Variants in RASGRF2 observed in about 807,000 individuals in gnomAD.
The protein encoded by RASGRF2 is ras-specific guanine nucleotide-releasing factor 2.
A neutral mutation model predicts 151.0 loss-of-function variants in RASGRF2; 76 were observed. The ratio of observed to expected loss-of-function variants is 0.50; its 90% CI spans 0.42 to 0.61. The LOEUF (loss-of-function observed/expected upper bound fraction) is 0.61. Among genes scored for constraint, RASGRF2 ranks in the 20% least tolerant of loss-of-function variants. The pLI is 0.00. For missense variants in RASGRF2, 1,148 were observed against 1,564.6 expected, an observed-to-expected ratio of 0.73 and a Z score of 4.49; for synonymous variants, 504 against 566.5, an observed-to-expected ratio of 0.89 and a Z score of 1.57.
intron 25 of RASGRF2, 88 bp downstream of exon 25, chr5:81,217,561 TTTTTTTTCTCTTC>T: frequency 1.0e-6 from 1 of 975,052 alleles, no homozygotes; most frequent in Non-Finnish European, 1.4e-6. Context: ...TGTCTGCTTT[TTTTTTTTCTCTTC>T]TTTTTTTTTT....
At chr5:80,979,076 G>T (rs972296748) in intron 1 of RASGRF2, among the ~76,000 whole-genome samples, 1 of 152,036 alleles carries the variant, frequency 6.6e-6, no homozygotes, top group African/African-American at 2.4e-5. Flanking sequence ...TTGCAGGGTC[G>T]GTGGAGCACA....
chr5:81,092,772 T>G, intron 9 of RASGRF2, 29 bp from the exon 10 acceptor site: 4 of 1,594,278 alleles, frequency 2.5e-6, no homozygotes, highest in Non-Finnish European at 3.4e-6. Flanking sequence ...TTTTAATTGC[T>G]GTGTATTCTT....
chr5:81,219,882 T>C, intron 26 of RASGRF2, 104 bp downstream of exon 26: 1 of 733,430 alleles, frequency 1.4e-6, no homozygotes. Context: ...AGCTAGCTCA[T>C]AGAAAAGACC....
chr5:81,062,232 C>G (rs10065109), intron 2 of RASGRF2, among the ~76,000 whole-genome samples: 32,291 of 151,954 alleles, frequency 0.21, 3,657 homozygotes, highest in Middle Eastern at 0.39. Context: ...TAATTTTAGC[C>G]AGTGTGATTG....
At chr5:80,990,218 GTT>G (rs10558206) in intron 1 of RASGRF2, among the ~76,000 whole-genome samples, 84 of 137,984 alleles carry the variant, frequency 6.1e-4, no homozygotes, top group African/African-American at 2.3e-3. Flanking sequence ...ACTGCCAGAT[GTT>G]TTTTTTTTTT....
In RASGRF2 at chr5:80,974,365, C is replaced by A. The variant is rs114548386; in HGVS notation, c.288+13339C>A. On this transcript the variant is annotated intron_variant, in intron 1 of 26. Transcript: ENST00000265080. ...CAAGAACATCTGTCTGCAAGAACAT[C>A]TATCTGCTTTTGCTTCAGCACAGCT... Among the ~76,000 whole-genome samples, 391 of 152,362 alleles carry A rather than the reference C, an allele frequency of 2.6e-3. 2 individuals carry two copies. Among genetic ancestry groups the A allele is most frequent in the African/African-American group, 9.0e-3 (376 of 41,580 alleles).
At chr5:81,010,311 C>T (rs774458652) in intron 1 of RASGRF2, among the ~76,000 whole-genome samples, 4 of 151,924 alleles carry the variant, frequency 2.6e-5, no homozygotes, top group South Asian at 2.1e-4. Context: ...TTTTCACGGA[C>T]GAAAAACTCA....
Position 81,073,373 on chromosome 5 carries a change from C to T in RASGRF2, c.808C>T (p.Leu270Phe), listed in dbSNP as rs1751838255. The T allele has an allele frequency of 6.2e-7, 1 of 1,614,076 alleles. No individual in the cohort carries two copies. The highest frequency in any genetic ancestry group is 1.3e-5 in the African/African-American group (1 of 74,924). The change falls in exon 5 of 27, where the codon CTC (leucine) becomes TTC (phenylalanine). Residue 270 changes from leucine (L) to phenylalanine (F), a missense_variant. By Grantham distance (22) the Leu-to-Phe change is conservative. Transcript: ENST00000265080. ...GCTCTACATCCTGGTCAATGGCTTT[C>T]TCCGGCCCCTGCGTATGGCCGCCAG... is the stretch of plus-strand genomic sequence containing the variant. ...HQLYILVNGFLRPLRMAASSK... is the reference protein window; with the variant it reads ...HQLYILVNGFFRPLRMAASSK...
intron 1 of RASGRF2, among the ~76,000 whole-genome samples, chr5:81,040,148 C>T (rs1750634726): frequency 6.6e-6 from 1 of 151,942 alleles, no homozygotes. Flanking sequence ...GGACTATAGG[C>T]ATATGCCACC....
At chr5:81,067,702 C>T (rs1194926367) in intron 2 of RASGRF2, among the ~76,000 whole-genome samples, 2 of 152,066 alleles carry the variant, frequency 1.3e-5, no homozygotes, top group Non-Finnish European at 2.9e-5. Flanking sequence ...ATTCAAAAGA[C>T]CTCAGTTTTT....
chr5:80,995,302 C>A (rs542816844), intron 1 of RASGRF2, among the ~76,000 whole-genome samples: 7 of 150,760 alleles, frequency 4.6e-5, no homozygotes, highest in African/African-American at 1.7e-4. Context: ...GTGGTCATTC[C>A]TTCCCTAACT....
rs1180950078 is a variant in RASGRF2, at chr5:80,960,658, C to G, written c.-81C>G. 1.6e-6 allele frequency: 2 copies of G among 1,255,748 alleles called. No individual in the cohort carries two copies. Among genetic ancestry groups the G allele is most frequent in the Non-Finnish European group, 2.0e-6 (2 of 978,908 alleles). The allele number at this position is 1,255,748 out of a possible 1,614,324, so 77.8% of individuals were successfully genotyped here. A position where few individuals can be genotyped will look rare whatever the true frequency, so the allele number is the denominator to read the frequency against. Reference sequence around the variant, plus strand: ...GCCGGCCGGGACCTGAGCGGTCGCGCCCTCGAGGGAGCCAGCTGGGCCATG... The same window carrying G: ...GCCGGCCGGGACCTGAGCGGTCGCGGCCTCGAGGGAGCCAGCTGGGCCATG... On this transcript the variant is annotated 5_prime_UTR_variant, in exon 1 of 27. Transcript: ENST00000265080. This position sits in a 1 kb window ranked among gnomAD's most constrained non-coding sequence, Gnocchi z 5.5.
At chr5:81,118,495 C>T (rs1753220301) in intron 15 of RASGRF2, among the ~76,000 whole-genome samples, 1 of 152,212 alleles carries the variant, frequency 6.6e-6, no homozygotes, top group South Asian at 2.1e-4. Flanking sequence ...CCTATCTTGT[C>T]TGAAAGATCT....
intron 25 of RASGRF2, among the ~76,000 whole-genome samples, chr5:81,219,471 T>G (rs1269516885): frequency 6.9e-6 from 1 of 145,352 alleles, no homozygotes; most frequent in Non-Finnish European, 1.5e-5. Context: ...TGAGGCCACA[T>G]ATTGCCAGCT....
At chr5:81,000,857 C>T (rs187399595) in intron 1 of RASGRF2, among the ~76,000 whole-genome samples, 39 of 152,298 alleles carry the variant, frequency 2.6e-4, no homozygotes, top group African/African-American at 5.8e-4. Context: ...GAACAACGTG[C>T]GTAACTGGAC....
rs139311008 is a variant in RASGRF2 at position 81,080,693 on chromosome 5, A to G, written c.1065A>G (p.Gln355=). 6.2e-7 allele frequency: 1 copy of G among 1,614,108 alleles called. No homozygotes were observed. The highest frequency in any genetic ancestry group is 1.3e-5 in the African/African-American group (1 of 74,950). ...YSLQVLANCK[Q]NRDFDKLLKQ... The stretch of plus-strand genomic sequence containing the variant: ...TGCAAGTTCTCGCCAATTGTAAGCA[A>G]AACAGAGATTTTGACAAACTCTTAA... Residue 355 remains glutamine (Q), a synonymous_variant, in exon 7 of 27, where the codon CAA becomes CAG. Coordinates refer to ENST00000265080, the MANE Select transcript of RASGRF2 (RefSeq NM_006909.3).
In RASGRF2 at chr5:81,080,177, C is replaced by A. The variant is rs1752046742; in HGVS notation, c.944C>A (p.Ala315Glu). 6.3e-7 allele frequency: 1 copy of A among 1,598,596 alleles called. No individual in the cohort carries two copies. The highest frequency in any genetic ancestry group is 8.5e-7 in the Non-Finnish European group (1 of 1,176,810). Residue 315 changes from alanine to glutamate, a missense_variant, in exon 6 of 27, where the codon GCA (alanine) becomes GAA (glutamate). By Grantham distance (107) the Ala-to-Glu change is moderately radical. This residue lies in a region of RASGRF2 where 176 missense variants were observed against 309.6 expected (regional missense o/e 0.57). Transcript: ENST00000265080. ...CATCAAGGACTAAAGGCAAGGATAG[C>A]AAACTGGCCCACTTTAATTTTAGGT... ...IFHQGLKARIANWPTLILADL... is the reference protein window; with the variant it reads ...IFHQGLKARIENWPTLILADL...
chr5:81,223,662 G>A (rs921049649), intron 26 of RASGRF2, among the ~76,000 whole-genome samples: 3 of 151,638 alleles, frequency 2.0e-5, no homozygotes, highest in African/African-American at 7.3e-5. Context: ...AAAAATTCAG[G>A]ACTCTACTGG....
intron 1 of RASGRF2, among the ~76,000 whole-genome samples, chr5:81,029,503 C>T (rs1294414985): frequency 6.6e-6 from 1 of 152,216 alleles, no homozygotes; most frequent in African/African-American, 2.4e-5. Context: ...ATTTGCTGTT[C>T]TGCAGCCTCC....
Sources: allele counts gnomAD v4.1 joint callset (sites outside exome capture counted in the v4.1 genomes callset), GRCh38; gene constraint gnomAD v4.1.1; regional missense constraint gnomAD v4.1.1; non-coding constraint Gnocchi (gnomAD v3.1); transcripts MANE v1.5; gene names NCBI Gene and HGNC (gene_info 2026-07-23, HGNC 2026-07-21).